The following PRDM16 variants were observed in gnomAD, a reference collection of about 807,000 sequenced individuals.
The protein encoded by PRDM16 is histone-lysine N-methyltransferase PRDM16.
A neutral mutation model predicts 110.6 loss-of-function variants in PRDM16; 23 were observed. The ratio of observed to expected loss-of-function variants is 0.21; its 90% CI spans 0.15 to 0.29. The LOEUF is 0.29. Ranked by LOEUF, PRDM16 falls within the 10% of genes least tolerant of loss-of-function variation. The pLI is 1.00. For synonymous variants in PRDM16, 799 were observed against 781.8 expected (o/e 1.02, Z -0.37); for missense variants, 1,615 against 1,794.3 (o/e 0.90, Z 1.81).
intron 1 of PRDM16, among the ~76,000 whole-genome samples, chr1:3,146,312 A>G (rs928536471): frequency 1.3e-5 from 2 of 152,260 alleles, no homozygotes; most frequent in African/African-American, 4.8e-5. Flanking sequence ...TTTGAAAAAG[A>G]TAAACAACTG....
At chr1:3,111,569 G>C (rs924596441) in intron 1 of PRDM16, among the ~76,000 whole-genome samples, 3 of 134,744 alleles carry the variant, frequency 2.2e-5, no homozygotes, top group Non-Finnish European at 3.2e-5. Flanking sequence ...GAAGGAGGAG[G>C]AAGGGGAAGA....
At chr1:3,170,957 C>A (rs910354456) in intron 1 of PRDM16, among the ~76,000 whole-genome samples, 2 of 152,386 alleles carry the variant, frequency 1.3e-5, no homozygotes, top group Non-Finnish European at 1.5e-5. Flanking sequence ...CCAGCCCAAA[C>A]GAGGCTGTCC....
chr1:3,403,678 A>G (rs1172075120), intron 6 of PRDM16, among the ~76,000 whole-genome samples: 1 of 152,176 alleles, frequency 6.6e-6, no homozygotes, highest in East Asian at 1.9e-4. Context: ...GGCCCCCGGG[A>G]AAGACAAGAT....
rs540235031 is a variant in PRDM16, at chr1:3,178,909, C to G, written c.38-7216C>G. Reference sequence around the variant, plus strand: ...ACTCCTGAGCCACAGGGGCTGAAACCCACAGCCGGGTCCACCCAACCTCTA... The same window carrying G: ...ACTCCTGAGCCACAGGGGCTGAAACGCACAGCCGGGTCCACCCAACCTCTA... On this transcript the variant is annotated intron_variant, in intron 1 of 16. Transcript: ENST00000270722. 9.5e-4 allele frequency among the ~76,000 whole-genome samples: 145 copies of G among 152,334 alleles called. 1 individual carries two copies. Among genetic ancestry groups the G allele is most frequent in the African/African-American group, 3.4e-3 (140 of 41,592 alleles).
At position 3,186,411 on chromosome 1, in the gene PRDM16, G is replaced by C; in HGVS notation, c.324G>C (p.Glu108Asp). 6.2e-7 allele frequency: 1 copy of C among 1,600,422 alleles called. No individual in the cohort carries two copies. Among genetic ancestry groups the C allele is most frequent in the South Asian group, 1.1e-5 (1 of 88,834 alleles). The change falls in exon 2 of 17, where the codon GAG becomes GAC. Residue 108 changes from glutamate to aspartate, a missense_variant. Transcript: ENST00000270722. Reference sequence around the variant, plus strand: ...CCAAGAGGAAGATGGAAGCCGGGGAGAGGCTGGGCCCCTGCGTGGTGGTGC... The same window carrying C: ...CCAAGAGGAAGATGGAAGCCGGGGACAGGCTGGGCCCCTGCGTGGTGGTGC... ...VWAKRKMEAG[E>D]RLGPCVVVPR...
chr1:3,431,934 C>A, intron 15 of PRDM16, 32 bp from the exon 16 acceptor site: 1 of 1,599,462 alleles, frequency 6.3e-7, no homozygotes, highest in East Asian at 2.2e-5. Context: ...CTGCTGACAG[C>A]AGGCCTTCCC....
chr1:3,269,807 CCAGAGAATGACAG>C (rs1640392707), intron 3 of PRDM16, among the ~76,000 whole-genome samples: 2 of 84,568 alleles, frequency 2.4e-5, no homozygotes, highest in Admixed American at 1.4e-4. Flanking sequence ...GAGGACAGTC[CCAGAGAATGACAG>C]GGAGGAGGAC....
At chr1:3,239,172 C>A (rs1163795754) in intron 2 of PRDM16, among the ~76,000 whole-genome samples, 1 of 152,236 alleles carries the variant, frequency 6.6e-6, no homozygotes, top group Non-Finnish European at 1.5e-5. Flanking sequence ...AAAACTCCAT[C>A]TTCTCAGAAA....
intron 1 of PRDM16, among the ~76,000 whole-genome samples, chr1:3,070,615 C>G (rs1332116236): frequency 6.6e-6 from 1 of 151,248 alleles, no homozygotes; most frequent in East Asian, 2.0e-4. Flanking sequence ...GTTCCGTCCG[C>G]GCCTCCGGGG....
intron 1 of PRDM16, among the ~76,000 whole-genome samples, chr1:3,072,327 A>G (rs1641784004): frequency 6.6e-6 from 1 of 152,152 alleles, no homozygotes; most frequent in South Asian, 2.1e-4. Context: ...GCCTCTGTGC[A>G]GGAGGAGGAT....
intron 2 of PRDM16, among the ~76,000 whole-genome samples, chr1:3,197,714 G>A: frequency 6.6e-6 from 1 of 152,218 alleles, no homozygotes; most frequent in South Asian, 2.1e-4. Context: ...CCTCCTGAGG[G>A]TGGGCGGCTG....
chr1:3,422,097 A>G (rs931182828), intron 12 of PRDM16, among the ~76,000 whole-genome samples: 1 of 149,990 alleles, frequency 6.7e-6, no homozygotes, highest in African/African-American at 2.5e-5. Flanking sequence ...AGGAAGGAAG[A>G]TAGGCAGGTG....
chr1:3,175,659 G>A lies in PRDM16; in HGVS notation c.38-10466G>A, dbSNP rs936216362. ...GTCCCGTGGAGCCAGGCACAGCTCC[G>A]GCCAAGTCCCAGAACTCAGACCTGC... is the stretch of plus-strand genomic sequence containing the variant. On this transcript the variant is annotated intron_variant, in intron 1 of 16. Transcript: ENST00000270722. The surrounding 1 kb of genome is among the most constrained non-coding windows in gnomAD (Gnocchi z 4.8). Among the ~76,000 whole-genome samples, 5 of 152,126 alleles carry A rather than the reference G, an allele frequency of 3.3e-5. No homozygotes were observed. Among genetic ancestry groups the A allele is most frequent in the Admixed American group, 6.5e-5 (1 of 15,278 alleles).
At chr1:3,256,773 C>T (rs969593751) in intron 3 of PRDM16, among the ~76,000 whole-genome samples, 4 of 152,110 alleles carry the variant, frequency 2.6e-5, no homozygotes, top group African/African-American at 4.8e-5. Flanking sequence ...AGGAGAATGG[C>T]GTGAACCCAG....
intron 1 of PRDM16, among the ~76,000 whole-genome samples, chr1:3,171,431 C>T (rs1461257370): frequency 6.6e-6 from 1 of 152,212 alleles, no homozygotes; most frequent in Admixed American, 6.5e-5. Context: ...TGCAGAGCCT[C>T]CTGCGAGGAC....
At chr1:3,406,796 G>A (rs941647777) in intron 8 of PRDM16, among the ~76,000 whole-genome samples, 3 of 152,178 alleles carry the variant, frequency 2.0e-5, no homozygotes, top group Non-Finnish European at 4.4e-5. Context: ...GGGTCCAAGG[G>A]GCCTTGTGGG....
Position 3,098,018 on chromosome 1 carries a change from C to G in PRDM16, c.37+28722C>G, listed in dbSNP as rs1261654499. On this transcript the variant is annotated intron_variant, in intron 1 of 16. Coordinates refer to ENST00000270722, the MANE Select transcript of PRDM16 (RefSeq NM_022114.4). ...GGGCAGGTGTCCAATGGTGCTCCTC[C>G]AGCAGGACTGGAAACTGCCCCCGCC... 2.0e-5 allele frequency among the ~76,000 whole-genome samples: 3 copies of G among 152,280 alleles called. No homozygotes were observed. In the East Asian group the frequency reaches 5.8e-4, roughly 29 times the overall value.
At chr1:3,376,547 G>A (rs866773085) in intron 3 of PRDM16, among the ~76,000 whole-genome samples, 7 of 152,160 alleles carry the variant, frequency 4.6e-5, no homozygotes, top group African/African-American at 1.2e-4. Flanking sequence ...CAGTCAGGCG[G>A]GAGCTAAGAG....
chr1:3,409,619 G>A (rs1643634312), intron 8 of PRDM16, among the ~76,000 whole-genome samples: 2 of 152,176 alleles, frequency 1.3e-5, no homozygotes, highest in African/African-American at 2.4e-5. Flanking sequence ...GAAGCAAATT[G>A]TCCTACAGAG....
Sources: allele counts gnomAD v4.1 joint callset (sites outside exome capture counted in the v4.1 genomes callset), GRCh38; gene constraint gnomAD v4.1.1; non-coding constraint Gnocchi (gnomAD v3.1); transcripts MANE v1.5; gene names NCBI Gene and HGNC (gene_info 2026-07-23, HGNC 2026-07-21).